Variants in PAM observed in about 807,000 individuals in gnomAD.
PAM encodes the protein peptidyl-glycine alpha-amidating monooxygenase.
A neutral mutation model predicts 122.1 loss-of-function variants in PAM; 72 were observed. The observed-to-expected ratio is 0.59, with a 90% CI of 0.49 to 0.72. The LOEUF (loss-of-function observed/expected upper bound fraction) is 0.72, where lower values mean the gene tolerates loss of function less well. Among genes scored for constraint, PAM ranks in the 30% least tolerant of loss-of-function variants. PAM has a pLI of 0.00. For missense variants in PAM, 1,106 were observed against 1,183.7 expected, an observed-to-expected ratio of 0.93 and a Z score of 0.96; for synonymous variants, 389 against 404.4, an observed-to-expected ratio of 0.96 and a Z score of 0.46.
chr5:102,934,418 T>G (rs990864161), intron 7 of PAM, among the ~76,000 whole-genome samples: 1 of 152,228 alleles, frequency 6.6e-6, no homozygotes, highest in Non-Finnish European at 1.5e-5. Context: ...ACAGCAGCCC[T>G]GCTGAAACAA....
chr5:102,860,712 G>A (rs111351648), intron 1 of PAM, among the ~76,000 whole-genome samples: 15 of 151,724 alleles, frequency 9.9e-5, no homozygotes, highest in African/African-American at 2.2e-4. Flanking sequence ...TAAAATAACC[G>A]CTTCACCAAA....
intron 1 of PAM, among the ~76,000 whole-genome samples, chr5:102,851,461 T>C (rs1297975827): frequency 6.6e-6 from 1 of 152,108 alleles, no homozygotes; most frequent in Non-Finnish European, 1.5e-5. Context: ...AATATAAAAA[T>C]GAAAGGGAAA....
intron 16 of PAM, among the ~76,000 whole-genome samples, chr5:102,998,603 G>C (rs6867251): frequency 0.023 from 3,551 of 152,170 alleles, 136 homozygotes; most frequent in African/African-American, 0.081. Flanking sequence ...AAGAATAAAT[G>C]AAAATATTAT....
intron 3 of PAM, among the ~76,000 whole-genome samples, chr5:102,897,350 C>T (rs187505620): frequency 6.6e-6 from 1 of 151,744 alleles, no homozygotes; most frequent in Non-Finnish European, 1.5e-5. Context: ...GTCACAACTG[C>T]CACCACAAGA....
At chr5:102,897,160 T>C (rs1796440760) in intron 3 of PAM, among the ~76,000 whole-genome samples, 1 of 151,662 alleles carries the variant, frequency 6.6e-6, no homozygotes, top group Non-Finnish European at 1.5e-5. Context: ...CCAACGCTCT[T>C]GAAATTTCCA....
chr5:102,991,573 C>G (rs1208252835), intron 16 of PAM, among the ~76,000 whole-genome samples: 1 of 152,060 alleles, frequency 6.6e-6, no homozygotes, highest in Non-Finnish European at 1.5e-5. Flanking sequence ...GTCACGTATG[C>G]ATATGTCTAA....
At chr5:102,925,181 T>C (rs1340973668) in intron 6 of PAM, 139 bp downstream of exon 6, 3 of 623,084 alleles carry the variant, frequency 4.8e-6, no homozygotes, top group Non-Finnish European at 8.8e-6. Context: ...TTGCATTACC[T>C]CTTTTGTATT....
chr5:102,767,948 A>T (rs975297849), intron 1 of PAM, among the ~76,000 whole-genome samples: 28 of 152,094 alleles, frequency 1.8e-4, no homozygotes, highest in Admixed American at 3.3e-4. Flanking sequence ...CAGGATTTGA[A>T]TCCACAGACT....
At chr5:102,965,930 T>A (rs1047495189) in intron 14 of PAM, among the ~76,000 whole-genome samples, 10 of 152,184 alleles carry the variant, frequency 6.6e-5, no homozygotes, top group Non-Finnish European at 1.3e-4. Flanking sequence ...CAAAGCCTGC[T>A]AAAGTTACAG....
intron 1 of PAM, among the ~76,000 whole-genome samples, chr5:102,758,110 T>C (rs1751169577): frequency 1.8e-5 from 2 of 108,736 alleles, no homozygotes; most frequent in African/African-American, 7.4e-5. Flanking sequence ...TTTTTTTTTC[T>C]TGGGGCAAAG....
intron 2 of PAM, 134 bp downstream of exon 2, chr5:102,866,418 C>T: frequency 1.5e-6 from 1 of 664,394 alleles, no homozygotes; most frequent in Non-Finnish European, 2.7e-6. Context: ...ACCACAGTAA[C>T]TTCTTGTGAA....
chr5:102,999,327 G>A (rs898715426), intron 16 of PAM, among the ~76,000 whole-genome samples: 4 of 152,220 alleles, frequency 2.6e-5, no homozygotes, highest in Non-Finnish European at 4.4e-5. Flanking sequence ...GGCTCCCACA[G>A]CCTTGGGCAG....
intron 16 of PAM, among the ~76,000 whole-genome samples, chr5:102,998,839 A>T (rs187305634): frequency 4.6e-4 from 70 of 152,318 alleles, no homozygotes; most frequent in African/African-American, 1.6e-3. Flanking sequence ...CAAAGCACTG[A>T]AATGTTTCTG....
chr5:102,893,835 T>TCAG, intron 3 of PAM, among the ~76,000 whole-genome samples: 2 of 151,800 alleles, frequency 1.3e-5, no homozygotes, highest in South Asian at 4.1e-4. Flanking sequence ...ATATCAACAT[T>TCAG]GCTTTAAATA....
At chr5:102,771,508 C>T (rs1176666405) in intron 1 of PAM, among the ~76,000 whole-genome samples, 1 of 152,096 alleles carries the variant, frequency 6.6e-6, no homozygotes, top group African/African-American at 2.4e-5. Context: ...GCAATGTTTA[C>T]CAAGCAGTTT....
chr5:102,949,329 G>T (rs1758016885), intron 9 of PAM, among the ~76,000 whole-genome samples: 1 of 151,888 alleles, frequency 6.6e-6, no homozygotes, highest in Non-Finnish European at 1.5e-5. Context: ...TTCTGTTTAT[G>T]AATAAAATAA....
Position 102,911,511 on chromosome 5 carries a change from A to G in PAM, c.269-2423A>G, listed in dbSNP as rs113711111. Among the ~76,000 whole-genome samples the G allele has an allele frequency of 2.5e-3, 382 of 152,062 alleles. 3 individuals carry two copies. Among genetic ancestry groups the G allele is most frequent in the African/African-American group, 8.6e-3 (355 of 41,502 alleles). ...GGAAAAAATGTATGTCAGAAGGAGA[A>G]AAAATCAGAAAATAGTTAGAGAATT... On this transcript the variant is annotated intron_variant, in intron 4 of 25. Transcript: ENST00000438793.
chr5:103,017,389 G>A lies in PAM; in HGVS notation c.2387G>A (p.Gly796Glu). 1 of 1,612,038 alleles carries A rather than the reference G, an allele frequency of 6.2e-7. No individual in the cohort carries two copies. The highest frequency in any genetic ancestry group is 1.1e-5 in the South Asian group (1 of 90,962). The part of the protein sequence containing the change: ...VASEDGTVYI[G>E]DAHTNTVWKF... ...TCTGAAGATGGGACTGTGTACATTG[G>A]AGATGCTCATACCAACACCGTGTGG... is the stretch of plus-strand genomic sequence containing the variant. Residue 796 changes from glycine to glutamate, a missense_variant, in exon 22 of 26, where the codon GGA (glycine) becomes GAA (glutamate). Gly to Glu is a moderately conservative substitution (Grantham distance 98). Coordinates refer to ENST00000438793, the MANE Select transcript of PAM (RefSeq NM_001177306.2).
chr5:102,840,466 A>C (rs1317514123), intron 1 of PAM, among the ~76,000 whole-genome samples: 2 of 152,188 alleles, frequency 1.3e-5, no homozygotes, highest in Non-Finnish European at 2.9e-5. Context: ...GGTTATAATA[A>C]ATTGGGTTTC....
Sources: gnomAD v4.1 joint callset for allele counts (sites outside exome capture counted in the v4.1 genomes callset) on GRCh38, gnomAD v4.1.1 for gene constraint, MANE v1.5 for transcripts, NCBI Gene and HGNC (gene_info 2026-07-23, HGNC 2026-07-21) for gene names.